EBF1: variants seen among roughly 807,000 people sequenced by gnomAD.
The protein encoded by EBF1 is transcription factor COE1.
A neutral mutation model predicts 68.4 loss-of-function variants in EBF1; 10 were observed. The ratio of observed to expected loss-of-function variants is 0.15; its 90% CI spans 0.09 to 0.25. The LOEUF is 0.25. EBF1 is among the 10% of genes least tolerant of loss of function. The pLI is 1.00. For missense variants in EBF1, 509 were observed against 794.4 expected, an observed-to-expected ratio of 0.64 and a Z score of 4.32; for synonymous variants, 298 against 299.8, an observed-to-expected ratio of 0.99 and a Z score of 0.06.
chr5:158,950,853 C>T (rs1815805572), intron 6 of EBF1, among the ~76,000 whole-genome samples: 1 of 152,168 alleles, frequency 6.6e-6, no homozygotes, highest in African/African-American at 2.4e-5. Context: ...AACTTCCAGG[C>T]AGGTGAGGTA....
At chr5:158,978,341 G>A (rs997735901) in intron 6 of EBF1, among the ~76,000 whole-genome samples, 7 of 152,320 alleles carry the variant, frequency 4.6e-5, no homozygotes, top group South Asian at 2.1e-4. Context: ...ACCCAATCAC[G>A]ACATGTATTT....
chr5:158,810,030 G>A (rs1440227494), intron 8 of EBF1, among the ~76,000 whole-genome samples: 6 of 152,156 alleles, frequency 3.9e-5, no homozygotes, highest in Non-Finnish European at 7.4e-5. Context: ...ATCAAGGAGA[G>A]TTTCTAGGAT....
At chr5:158,947,033 C>T (rs922692649) in intron 6 of EBF1, among the ~76,000 whole-genome samples, 24 of 152,164 alleles carry the variant, frequency 1.6e-4, no homozygotes, top group Admixed American at 9.8e-4. Context: ...AAATGCCCCT[C>T]CCCCCACCAA....
At chr5:158,733,187 A>AC (rs1406378832) in intron 10 of EBF1, among the ~76,000 whole-genome samples, 1 of 152,128 alleles carries the variant, frequency 6.6e-6, no homozygotes, top group African/African-American at 2.4e-5. Flanking sequence ...TATAATATCC[A>AC]CCCCCACCCA....
intron 10 of EBF1, among the ~76,000 whole-genome samples, chr5:158,741,575 T>TAA (rs79547768): frequency 3.6e-4 from 47 of 129,152 alleles, no homozygotes; most frequent in Admixed American, 6.2e-4. Flanking sequence ...ACCCTGTCTT[T>TAA]AAAAAAAAAA....
At chr5:159,046,556 G>A (rs968707868) in intron 6 of EBF1, among the ~76,000 whole-genome samples, 14 of 152,190 alleles carry the variant, frequency 9.2e-5, no homozygotes, top group Admixed American at 5.9e-4. Context: ...TTAAGTAGAA[G>A]AGACAGCATG....
intron 8 of EBF1, among the ~76,000 whole-genome samples, chr5:158,799,148 C>T (rs1780119599): frequency 6.6e-6 from 1 of 152,148 alleles, no homozygotes; most frequent in Non-Finnish European, 1.5e-5. Context: ...GGAGGTCAAA[C>T]TGGGTATAGT....
chr5:158,908,908 C>T (rs1479901457), intron 6 of EBF1, among the ~76,000 whole-genome samples: 11 of 152,154 alleles, frequency 7.2e-5, no homozygotes, highest in Non-Finnish European at 1.2e-4. Context: ...GGGCTGTGGT[C>T]AAGCTGCTCC....
chr5:158,890,199 G>A (rs768341519), intron 6 of EBF1, among the ~76,000 whole-genome samples: 1 of 152,182 alleles, frequency 6.6e-6, no homozygotes, highest in African/African-American at 2.4e-5. Context: ...CTGTCACACA[G>A]GGATATTTTA....
At chr5:159,042,920 G>T (rs1030950061) in intron 6 of EBF1, among the ~76,000 whole-genome samples, 1 of 151,676 alleles carries the variant, frequency 6.6e-6, no homozygotes, top group African/African-American at 2.4e-5. Context: ...CTAGGTAGCT[G>T]CTTAAGGTTA....
chr5:158,907,239 G>C (rs981089191), intron 6 of EBF1, among the ~76,000 whole-genome samples: 11 of 152,150 alleles, frequency 7.2e-5, no homozygotes, highest in African/African-American at 2.2e-4. Flanking sequence ...TGACAAGGAG[G>C]GAAGTATTGT....
intron 10 of EBF1, among the ~76,000 whole-genome samples, chr5:158,758,562 T>C (rs1434203709): frequency 6.6e-6 from 1 of 152,218 alleles, no homozygotes; most frequent in Non-Finnish European, 1.5e-5. Flanking sequence ...AAAAAACATA[T>C]GAGCTATTAG....
At chr5:158,704,917 T>C (rs984676895) in intron 15 of EBF1, among the ~76,000 whole-genome samples, 7 of 152,232 alleles carry the variant, frequency 4.6e-5, no homozygotes, top group African/African-American at 1.7e-4. Context: ...AATTTCTCCA[T>C]CCGTATGTCC....
chr5:158,757,803 CTG>C (rs1770466606), intron 10 of EBF1, among the ~76,000 whole-genome samples: 1 of 152,146 alleles, frequency 6.6e-6, no homozygotes, highest in South Asian at 2.1e-4. Context: ...GTGCTTAAAA[CTG>C]TGTGGTAGAG....
chr5:159,076,965 T>C (rs1415409726), intron 5 of EBF1, among the ~76,000 whole-genome samples: 1 of 152,214 alleles, frequency 6.6e-6, no homozygotes, highest in East Asian at 1.9e-4. Context: ...GTACAGCATA[T>C]TGTGACTTGA....
At chr5:158,773,059 G>A (rs1014441957) in intron 10 of EBF1, among the ~76,000 whole-genome samples, 3 of 152,008 alleles carry the variant, frequency 2.0e-5, no homozygotes, top group Admixed American at 6.6e-5. Flanking sequence ...ATCAGTATGC[G>A]AGGTACTATC....
At chr5:158,887,402 T>C (rs940529437) in intron 6 of EBF1, among the ~76,000 whole-genome samples, 15 of 152,228 alleles carry the variant, frequency 9.9e-5, no homozygotes, top group African/African-American at 3.6e-4. Context: ...CTTCAATGTA[T>C]ACGTCCTTTC....
chr5:159,062,742 CAT>C (rs1431396346), intron 6 of EBF1, among the ~76,000 whole-genome samples: 1 of 152,090 alleles, frequency 6.6e-6, no homozygotes, highest in African/African-American at 2.4e-5. Context: ...AAGGATGCCA[CAT>C]ATATATGTTT....
chr5:158,867,932 C>T (rs2128051108), intron 6 of EBF1, among the ~76,000 whole-genome samples: 1 of 152,192 alleles, frequency 6.6e-6, no homozygotes, highest in Non-Finnish European at 1.5e-5. Flanking sequence ...TTCTACTTGC[C>T]TACAAAACTC....
Sources: gnomAD v4.1 joint callset for allele counts (sites outside exome capture counted in the v4.1 genomes callset) on GRCh38, gnomAD v4.1.1 for gene constraint, MANE v1.5 for transcripts, NCBI Gene and HGNC (gene_info 2026-07-23, HGNC 2026-07-21) for gene names.